RELL1: variants seen among roughly 807,000 people sequenced by gnomAD.
The protein encoded by RELL1 is RELT like 1.
In RELL1, 10 loss-of-function variants were observed where a neutral mutation model predicts 23.0. The observed-to-expected ratio is 0.43, with a 90% CI of 0.27 to 0.74. The LOEUF (loss-of-function observed/expected upper bound fraction) is 0.74. Among genes scored for constraint, RELL1 ranks in the 30% least tolerant of loss-of-function variants. RELL1 has a pLI of 0.19. For synonymous variants in RELL1, 146 were observed against 146.8 expected (o/e 0.99, Z 0.04); for missense variants, 315 against 364.4 (o/e 0.86, Z 1.10).
At chr4:37,599,217 C>G (rs895280675) in intron 6 of RELL1, among the ~76,000 whole-genome samples, 1 of 152,050 alleles carries the variant, frequency 6.6e-6, no homozygotes, top group Non-Finnish European at 1.5e-5. Flanking sequence ...GGTCTGCTGC[C>G]CAACGTGCCG....
chr4:37,606,362 G>C (rs1719222657), downstream of RELL1, among the ~76,000 whole-genome samples: 1 of 152,142 alleles, frequency 6.6e-6, no homozygotes, highest in African/African-American at 2.4e-5. The surrounding 1 kb of genome is among the most constrained non-coding windows in gnomAD (Gnocchi z 4.1). Context: ...CTGCAGCCAG[G>C]ATCCACCAAT....
rs1446318624 is a variant in RELL1 at position 37,669,249 on chromosome 4, C to T, written c.88+16951G>A. On this transcript the variant is annotated intron_variant, in intron 1 of 6. Coordinates refer to ENST00000454158, the MANE Select transcript of RELL1 (RefSeq NM_001085400.2). The stretch of plus-strand genomic sequence containing the variant: ...GGGAGGGAGGTGGGGGTCAGCCCCC[C>T]GCCCGGCCAGCCGCCCCATCCGGGA... Among the ~76,000 whole-genome samples the T allele has an allele frequency of 2.2e-5, 3 of 139,066 alleles. No homozygotes were observed. The East Asian group carries it at 6.3e-4, about 29-fold the overall frequency. 91.2% of individuals were successfully genotyped at this position (139,066 alleles called of 152,430 possible).
intron 1 of RELL1, among the ~76,000 whole-genome samples, chr4:37,674,121 G>T (rs1260700052): frequency 6.6e-6 from 1 of 152,158 alleles, no homozygotes; most frequent in Non-Finnish European, 1.5e-5. Context: ...ACAGCACTTT[G>T]TCTGTAGTTC....
At position 37,611,964 on chromosome 4, in the gene RELL1, AG is replaced by A. The variant is rs1560327863; in HGVS notation, c.*1381del. ...GCCGAGGCGGGTGGATCACGAGGTC[AG>A]GAGATCGAGACCATCTTCGCTAATG... On this transcript the variant is annotated 3_prime_UTR_variant, in exon 7 of 7. Coordinates refer to ENST00000454158, the MANE Select transcript of RELL1 (RefSeq NM_001085400.2). 6.6e-6 allele frequency among the ~76,000 whole-genome samples: 1 copy of A among 151,362 alleles called. No individual in the cohort carries two copies. Among genetic ancestry groups the A allele is most frequent in the African/African-American group, 2.4e-5 (1 of 41,140 alleles).
chr4:37,674,829 G>C (rs1721967361), intron 1 of RELL1, among the ~76,000 whole-genome samples: 1 of 152,332 alleles, frequency 6.6e-6, no homozygotes, highest in Middle Eastern at 3.4e-3. Context: ...GGGGAAGGAA[G>C]GCTTGGCAGA....
chr4:37,590,580 A>G (rs780145580), downstream of RELL1: 58 of 1,614,064 alleles, frequency 3.6e-5, no homozygotes, highest in Non-Finnish European at 4.6e-5. Flanking sequence ...TTGCCTTGGA[A>G]GTACAAGACC....
intron 1 of RELL1, among the ~76,000 whole-genome samples, chr4:37,680,294 C>G (rs1722166912): frequency 6.6e-6 from 1 of 152,214 alleles, no homozygotes; most frequent in Non-Finnish European, 1.5e-5. Flanking sequence ...CTGATGTCAT[C>G]AATTGCCTCA....
At chr4:37,647,463 G>A in intron 2 of RELL1, 24 bp from the exon 3 acceptor site, 1 of 1,554,736 alleles carries the variant, frequency 6.4e-7, no homozygotes, top group Middle Eastern at 1.7e-4. Context: ...GAGGAGGGGA[G>A]AACAGGTTAC....
At chr4:37,627,547 T>C (rs1228562565) in intron 6 of RELL1, among the ~76,000 whole-genome samples, 1 of 152,178 alleles carries the variant, frequency 6.6e-6, no homozygotes, top group African/African-American at 2.4e-5. Context: ...AAAGCAGGGT[T>C]AGACGAATGG....
intron 6 of RELL1, among the ~76,000 whole-genome samples, chr4:37,621,392 C>G (rs1719760715): frequency 6.6e-6 from 1 of 151,886 alleles, no homozygotes; most frequent in Non-Finnish European, 1.5e-5. Flanking sequence ...GGAGGCAGAG[C>G]TTGCAGTGAG....
At chr4:37,607,797 C>G (rs1719269270), downstream of RELL1, among the ~76,000 whole-genome samples, 1 of 152,094 alleles carries the variant, frequency 6.6e-6, no homozygotes, top group African/African-American at 2.4e-5. Flanking sequence ...ACCATGGTGG[C>G]CAGGATGGTC....
At chr4:37,659,518 T>A (rs149621510) in intron 1 of RELL1, among the ~76,000 whole-genome samples, 1 of 152,314 alleles carries the variant, frequency 6.6e-6, no homozygotes, top group East Asian at 1.9e-4. Flanking sequence ...TTGCTAACAT[T>A]TTTTGGTCTA....
rs546587170 is a variant in RELL1 at position 37,598,942 on chromosome 4, C to T, written c.*4-7725G>A. Among the ~76,000 whole-genome samples the T allele has an allele frequency of 1.7e-4, 26 of 152,240 alleles. 1 individual carries two copies. In the South Asian group the frequency reaches 3.9e-3, roughly 23 times the overall value. On this transcript the variant is annotated intron_variant, in intron 6 of 6. Transcript: ENST00000314117. ...TCAGGCAATCCACCCACCTCACCCTCCCAAAGTGCTAGGATTACAGGCGTG... is the reference window on the plus strand; with the variant it reads ...TCAGGCAATCCACCCACCTCACCCTTCCAAAGTGCTAGGATTACAGGCGTG...
At chr4:37,642,097 G>A (rs73807871) in intron 3 of RELL1, among the ~76,000 whole-genome samples, 10,203 of 152,180 alleles carry the variant, frequency 0.067, 420 homozygotes, top group African/African-American at 0.12. Flanking sequence ...CGCCCAAAGG[G>A]ACAGAGGTTG....
chr4:37,669,181 TG>T (rs533323150), intron 1 of RELL1, among the ~76,000 whole-genome samples: 58,705 of 80,748 alleles, frequency 0.73, 23,319 homozygotes, highest in East Asian at 0.83. Flanking sequence ...GGGAGGGAGG[TG>T]GGGGGGGGGG....
chr4:37,642,494 G>T (rs1720563595), intron 3 of RELL1, among the ~76,000 whole-genome samples: 1 of 152,226 alleles, frequency 6.6e-6, no homozygotes, highest in Admixed American at 6.6e-5. Flanking sequence ...CAACCCTTTG[G>T]ATTAGGAAAA....
At position 37,602,149 on chromosome 4, in the gene RELL1, C is replaced by T. The variant is rs113862841; in HGVS notation, c.*4-10932G>A. 2.1e-4 allele frequency among the ~76,000 whole-genome samples: 30 copies of T among 142,382 alleles called. 2 individuals carry two copies. The highest frequency in any genetic ancestry group is 7.9e-4 in the African/African-American group (30 of 38,080). 93.4% of individuals were successfully genotyped at this position (142,382 alleles called of 152,430 possible). A position where few individuals can be genotyped will look rare whatever the true frequency, so the allele number is the denominator to read the frequency against. ...GGAGGATTGCTTGAGCCTGGGAGGT[C>T]GAGGCTCTGGTGAGCCATGATTGTG... is the stretch of plus-strand genomic sequence containing the variant. On this transcript the variant is annotated intron_variant, in intron 6 of 6. Transcript: ENST00000314117.
At chr4:37,667,100 C>T (rs1194741235) in intron 1 of RELL1, among the ~76,000 whole-genome samples, 1 of 151,992 alleles carries the variant, frequency 6.6e-6, no homozygotes, top group Non-Finnish European at 1.5e-5. Context: ...AAAGATTGAA[C>T]AGAAGTAACC....
intron 1 of RELL1, among the ~76,000 whole-genome samples, chr4:37,668,362 C>A (rs549859164): frequency 2.0e-5 from 3 of 152,182 alleles, no homozygotes; most frequent in African/African-American, 7.2e-5. Flanking sequence ...ATTGTAGGCC[C>A]GCGCCGCCAC....
Sources: gnomAD v4.1 joint callset for allele counts (sites outside exome capture counted in the v4.1 genomes callset) on GRCh38, gnomAD v4.1.1 for gene constraint, Gnocchi (gnomAD v3.1) non-coding constraint, MANE v1.5 for transcripts, NCBI Gene and HGNC (gene_info 2026-07-23, HGNC 2026-07-21) for gene names.